Variants in ZNF430 observed in about 807,000 individuals in gnomAD.
ZNF430 encodes the protein zinc finger protein 430.
In ZNF430, 35 loss-of-function variants were observed where a neutral mutation model predicts 56.7. That is an observed-to-expected ratio of 0.62 (90% CI 0.47 to 0.82). ZNF430 has a LOEUF of 0.82. Among genes scored for constraint, ZNF430 ranks in the 40% least tolerant of loss-of-function variants. The pLI, the probability that ZNF430 is intolerant of heterozygous loss-of-function variation, is 0.00. For synonymous variants in ZNF430, 212 were observed against 224.3 expected, an observed-to-expected ratio of 0.94 and a Z score of 0.49; for missense variants, 574 against 661.0, an observed-to-expected ratio of 0.87 and a Z score of 1.44.
At chr19:21,026,440 G>A (rs1967797862) in intron 2 of ZNF430, among the ~76,000 whole-genome samples, 2 of 152,170 alleles carry the variant, frequency 1.3e-5, no homozygotes, top group African/African-American at 4.8e-5. Context: ...GCCTGCCCCA[G>A]CCTCCCAAAG....
intron 4 of ZNF430, among the ~76,000 whole-genome samples, chr19:21,049,203 A>G: frequency 6.6e-6 from 1 of 151,170 alleles, no homozygotes; most frequent in Non-Finnish European, 1.5e-5. Context: ...AAAAAGTAAA[A>G]AAGATATATT....
At chr19:21,023,242 T>G (rs1006410597) in intron 2 of ZNF430, among the ~76,000 whole-genome samples, 1 of 152,086 alleles carries the variant, frequency 6.6e-6, no homozygotes, top group East Asian at 1.9e-4. Context: ...TGAGCAGGAG[T>G]GGGTGGAAGA....
In ZNF430 at chr19:21,058,099, A is replaced by G; in HGVS notation, c.*78A>G. ...ATTCATACTGAAGAGGAACCCTATG[A>G]GTGTGAAGAATATGGCAAAGCCTTC... On this transcript the variant is annotated 3_prime_UTR_variant, in exon 5 of 5. Transcript: ENST00000261560. The G allele has an allele frequency of 7.5e-7, 1 of 1,327,390 alleles. No individual in the cohort carries two copies. The highest frequency in any genetic ancestry group is 1.0e-6 in the Non-Finnish European group (1 of 970,240). 82.2% of individuals were successfully genotyped at this position (1,327,390 alleles called of 1,614,324 possible). A position where few individuals can be genotyped will look rare whatever the true frequency, so the allele number is the denominator to read the frequency against.
chr19:21,057,293 T>A lies in ZNF430; in HGVS notation c.985T>A (p.Ser329Thr). ...AGAATGTGGCAGAGCTTTTAACCGG[T>A]CCTCACACCTTACTACACATAAGAT... ...CEECGRAFNRSSHLTTHKIIH... is the reference protein window; with the variant it reads ...CEECGRAFNRTSHLTTHKIIH... Residue 329 changes from serine (S) to threonine (T), a missense_variant, in exon 5 of 5, where the codon TCC becomes ACC. This residue lies in a region of ZNF430 where 346 missense variants were observed against 399.1 expected (regional missense o/e 0.87). Transcript: ENST00000261560. 6.2e-7 allele frequency: 1 copy of A among 1,613,114 alleles called. No homozygotes were observed. The highest frequency in any genetic ancestry group is 1.1e-5 in the South Asian group (1 of 91,002).
At chr19:21,046,290 C>T (rs111490632) in intron 4 of ZNF430, among the ~76,000 whole-genome samples, 10,572 of 148,636 alleles carry the variant, frequency 0.071, 452 homozygotes, top group Non-Finnish European at 0.086. Context: ...TGCACTCCAG[C>T]CTGGGTGACA....
chr19:21,033,327 A>G (rs1460638408), intron 2 of ZNF430, 129 bp from the exon 3 acceptor site: 15 of 1,296,270 alleles, frequency 1.2e-5, no homozygotes, highest in Non-Finnish European at 1.5e-5. Flanking sequence ...ATTATTGGAT[A>G]ATTTCAGTCA....
chr19:21,022,508 T>C (rs889444822), intron 1 of ZNF430, among the ~76,000 whole-genome samples: 10 of 152,182 alleles, frequency 6.6e-5, no homozygotes, highest in Admixed American at 6.5e-4. Flanking sequence ...ATATTTCCCA[T>C]GTGAAGAAAG....
At chr19:21,031,039 T>C (rs994982531) in intron 2 of ZNF430, among the ~76,000 whole-genome samples, 4 of 152,020 alleles carry the variant, frequency 2.6e-5, no homozygotes, top group Non-Finnish European at 5.9e-5. Flanking sequence ...CCCGCCACCA[T>C]TCCTGGCTAA....
At chr19:21,022,764 G>T (rs376279809) in intron 1 of ZNF430, 25 bp from the exon 2 acceptor site, 21 of 1,499,656 alleles carry the variant, frequency 1.4e-5, no homozygotes, top group Non-Finnish European at 2.0e-5. Flanking sequence ...GTGGATATCA[G>T]CTTCTGGGTT....
At chr19:21,027,760 G>T (rs1477152658) in intron 2 of ZNF430, among the ~76,000 whole-genome samples, 1 of 151,940 alleles carries the variant, frequency 6.6e-6, no homozygotes. Context: ...CTAGGAATTT[G>T]TCTGGTTCTT....
intron 4 of ZNF430, chr19:21,034,435 G>A (rs1046047218): frequency 1.8e-5 from 6 of 341,440 alleles, no homozygotes; most frequent in Non-Finnish European, 2.6e-5. Context: ...CATGGCATGC[G>A]AGACTCACAA....
intron 4 of ZNF430, among the ~76,000 whole-genome samples, chr19:21,053,264 G>T (rs908930061): frequency 1.1e-4 from 16 of 151,916 alleles, no homozygotes; most frequent in African/African-American, 3.9e-4. Flanking sequence ...AGGAAGGAGG[G>T]GGGTGATGAC....
chr19:21,038,508 A>G (rs1206159792), intron 4 of ZNF430, among the ~76,000 whole-genome samples: 1 of 151,756 alleles, frequency 6.6e-6, no homozygotes, highest in Admixed American at 6.6e-5. Flanking sequence ...GCTCACTGCA[A>G]CCTCCTCCTC....
At chr19:21,043,336 G>T (rs10422193) in intron 4 of ZNF430, among the ~76,000 whole-genome samples, 123,285 of 152,138 alleles carry the variant, frequency 0.81, 52,232 homozygotes, top group Middle Eastern at 0.93. Flanking sequence ...TTTCTGCATA[G>T]GGCTAGCCAA....
At chr19:21,049,614 A>ATTTCC (rs1968246651) in intron 4 of ZNF430, 2 of 129,568 alleles carry the variant, frequency 1.5e-5, no homozygotes, top group African/African-American at 5.9e-5. Flanking sequence ...TCTGGCCACC[A>ATTTCC]TGTAACATTT....
intron 2 of ZNF430, among the ~76,000 whole-genome samples, chr19:21,031,041 C>T (rs531443882): frequency 5.3e-5 from 8 of 152,202 alleles, no homozygotes; most frequent in Admixed American, 2.0e-4. Context: ...CGCCACCATT[C>T]CTGGCTAATT....
At chr19:21,033,432 G>A in intron 2 of ZNF430, 24 bp from the exon 3 acceptor site, 1 of 1,602,218 alleles carries the variant, frequency 6.2e-7, no homozygotes, top group Non-Finnish European at 8.5e-7. Context: ...ATATACGTGT[G>A]TCTTGTGTGC....
intron 4 of ZNF430, among the ~76,000 whole-genome samples, chr19:21,037,389 A>C (rs1968022610): frequency 6.6e-6 from 1 of 152,140 alleles, no homozygotes. Flanking sequence ...AAGTGCTGGG[A>C]TTACAGGTGT....
At position 21,046,997 on chromosome 19, in the gene ZNF430, C is replaced by T. The variant is rs1968195641; in HGVS notation, c.323-9634C>T. 2.6e-5 allele frequency among the ~76,000 whole-genome samples: 4 copies of T among 152,196 alleles called. No homozygotes were observed. In the South Asian group the frequency reaches 8.3e-4, roughly 31 times the overall value. Reference sequence around the variant, plus strand: ...GTCAGTCATAGGTTCGGTCTTTTTACATAATCTCATAGACCTCAGAGATTT... The same window carrying T: ...GTCAGTCATAGGTTCGGTCTTTTTATATAATCTCATAGACCTCAGAGATTT... On this transcript the variant is annotated intron_variant, in intron 4 of 4. Transcript: ENST00000261560.
Sources: gnomAD v4.1 joint callset for allele counts (sites outside exome capture counted in the v4.1 genomes callset) on GRCh38, gnomAD v4.1.1 for gene constraint, gnomAD v4.1.1 regional missense constraint, MANE v1.5 for transcripts, NCBI Gene and HGNC (gene_info 2026-07-23, HGNC 2026-07-21) for gene names.